Variants in UNC80 observed in about 807,000 individuals in gnomAD.
The protein encoded by UNC80 is unc-80 subunit of NALCN channel complex.
Under a neutral mutation model 384.6 loss-of-function variants are expected in UNC80, and 164 were observed. The observed-to-expected ratio is 0.43, with a 90% CI of 0.38 to 0.49. UNC80 has a LOEUF of 0.49. Ranked by LOEUF, UNC80 falls within the 20% of genes least tolerant of loss-of-function variation. The probability of loss-of-function intolerance (pLI) is 0.00; values close to 1 mark genes in which losing one functional copy is unlikely to be tolerated. For missense variants in UNC80, 3,330 were observed against 4,143.0 expected (o/e 0.80, Z 5.39); for synonymous variants, 1,486 against 1,527.8 (o/e 0.97, Z 0.64).
chr2:209,945,173 G>A lies in UNC80; in HGVS notation c.7173G>A (p.Lys2391=), dbSNP rs752008400. The change falls in exon 46 of 65, where the codon AAG becomes AAA. Residue 2391 remains lysine (K), a synonymous_variant. Coordinates refer to ENST00000673920, the MANE Select transcript of UNC80 (RefSeq NM_001371986.1). ...LDILELVKAE[K]PLKSLDFCYG... is the part of the protein sequence containing the mutation. ...TCTTAGAGCTGGTCAAAGCTGAGAA[G>A]CCTCTCAAGTCATTAGGTAAAAGCA... The A allele has an allele frequency of 3.9e-6, 6 of 1,549,566 alleles. No homozygotes were observed. Among genetic ancestry groups the A allele is most frequent in the African/African-American group, 2.7e-5 (2 of 72,900 alleles).
intron 63 of UNC80, among the ~76,000 whole-genome samples, chr2:209,993,645 G>A (rs2093432992): frequency 6.6e-6 from 1 of 152,160 alleles, no homozygotes; most frequent in Non-Finnish European, 1.5e-5. Context: ...AAATGGAAGA[G>A]CCCAAGGTAA....
chr2:209,795,038 AG>A, intron 7 of UNC80: 1 of 222,932 alleles, frequency 4.5e-6, no homozygotes, highest in Non-Finnish European at 9.1e-6. Context: ...AGAAGAAGAC[AG>A]GGAAGTGTGG....
At chr2:209,957,096 T>C (rs1297946914) in intron 48 of UNC80, among the ~76,000 whole-genome samples, 1 of 152,250 alleles carries the variant, frequency 6.6e-6, no homozygotes, top group Non-Finnish European at 1.5e-5. Context: ...TCAAATCTAT[T>C]ACTAACGATC....
chr2:209,820,612 G>A lies in UNC80; in HGVS notation c.2264G>A (p.Gly755Asp). 2 of 1,549,488 alleles carry A rather than the reference G, an allele frequency of 1.3e-6. No individual in the cohort carries two copies. The highest frequency in any genetic ancestry group is 1.7e-6 in the Non-Finnish European group (2 of 1,145,680). Residue 755 changes from glycine to aspartate, a missense_variant, in exon 13 of 65, where the codon GGT (glycine) becomes GAT (aspartate). By Grantham distance (94) the Gly-to-Asp change is moderately conservative. Around this residue, in one of 8 missense-constraint regions of UNC80, gnomAD observed 937 missense variants for 1,026.8 expected, o/e 0.91. Transcript: ENST00000673920. ...GGGGDGGGGG[G>D]DGGGGGGGGG... is the part of the protein sequence containing the mutation. ...GGTGGAGATGGAGGAGGTGGAGGAG[G>A]TGATGGAGGAGGAGGTGGAGGAGGT...
At chr2:209,805,219 C>T (rs962050429) in intron 7 of UNC80, among the ~76,000 whole-genome samples, 2 of 152,170 alleles carry the variant, frequency 1.3e-5, no homozygotes, top group Non-Finnish European at 2.9e-5. Flanking sequence ...TATTTTTTAA[C>T]TTTCCACATC....
chr2:209,885,511 C>G (rs546301477), intron 25 of UNC80, among the ~76,000 whole-genome samples: 1 of 152,186 alleles, frequency 6.6e-6, no homozygotes, highest in South Asian at 2.1e-4. Context: ...CTTATCCCAA[C>G]TAAGAAATTT....
chr2:209,773,643 T>C (rs115294619), intron 2 of UNC80, among the ~76,000 whole-genome samples: 1 of 152,132 alleles, frequency 6.6e-6, no homozygotes, highest in African/African-American at 2.4e-5. Context: ...GGCAGAGAGA[T>C]AACAGGGAAC....
chr2:209,811,486 G>A (rs932279521), intron 7 of UNC80, among the ~76,000 whole-genome samples: 2 of 152,158 alleles, frequency 1.3e-5, no homozygotes, highest in Non-Finnish European at 2.9e-5. Context: ...CTAGAACTAG[G>A]GTGGTGTCTG....
At chr2:209,949,964 A>T (rs1034113421) in intron 47 of UNC80, among the ~76,000 whole-genome samples, 1 of 152,036 alleles carries the variant, frequency 6.6e-6, no homozygotes, top group African/African-American at 2.4e-5. Flanking sequence ...AGTAGCCGGC[A>T]CTACAGGCGG....
intron 22 of UNC80, among the ~76,000 whole-genome samples, chr2:209,853,059 A>C (rs1054875827): frequency 7.2e-5 from 11 of 152,120 alleles, no homozygotes; most frequent in Admixed American, 5.9e-4. Context: ...ATATACAGAG[A>C]TAGATATACA....
chr2:209,899,447 A>T (rs887643306), intron 28 of UNC80, among the ~76,000 whole-genome samples: 2 of 152,108 alleles, frequency 1.3e-5, no homozygotes, highest in Non-Finnish European at 2.9e-5. Flanking sequence ...TTTCTGCTCA[A>T]TTGTAATGTG....
intron 2 of UNC80, among the ~76,000 whole-genome samples, chr2:209,773,835 T>C (rs2076719206): frequency 1.3e-5 from 2 of 152,214 alleles, no homozygotes; most frequent in African/African-American, 4.8e-5. Context: ...AAATGAATAA[T>C]ATAAAATAAT....
intron 7 of UNC80, among the ~76,000 whole-genome samples, chr2:209,800,050 G>C (rs188786491): frequency 4.0e-4 from 61 of 152,244 alleles, no homozygotes; most frequent in East Asian, 3.1e-3. Context: ...GTCTCTTCCT[G>C]GTGTTGGTAT....
chr2:209,993,048 C>T (rs1050747342), intron 62 of UNC80, among the ~76,000 whole-genome samples: 6 of 152,254 alleles, frequency 3.9e-5, no homozygotes, highest in Non-Finnish European at 1.5e-5. Context: ...CACTTTGCAT[C>T]CTAAAATTAC....
At chr2:209,787,954 T>C (rs2077547526) in intron 5 of UNC80, among the ~76,000 whole-genome samples, 1 of 152,194 alleles carries the variant, frequency 6.6e-6, no homozygotes, top group African/African-American at 2.4e-5. Flanking sequence ...TGTGTGTTAT[T>C]GCCCCTGAAG....
At chr2:209,881,132 G>T (rs1219134321) in intron 25 of UNC80, 38 bp downstream of exon 25, 2 of 1,549,382 alleles carry the variant, frequency 1.3e-6, no homozygotes, top group Admixed American at 3.9e-5. Context: ...CAGGTTACTC[G>T]GAGAGGCCAG....
At chr2:209,773,434 A>G (rs1359761724) in intron 2 of UNC80, among the ~76,000 whole-genome samples, 1 of 152,238 alleles carries the variant, frequency 6.6e-6, no homozygotes, top group Non-Finnish European at 1.5e-5. Context: ...AAGAAATACT[A>G]GGAAGCACTA....
intron 26 of UNC80, among the ~76,000 whole-genome samples, chr2:209,891,341 AT>A (rs1031425209): frequency 9.2e-5 from 14 of 152,082 alleles, no homozygotes; most frequent in South Asian, 2.1e-4. Context: ...TCAAATGAAT[AT>A]TTTTTTCAAA....
intron 23 of UNC80, among the ~76,000 whole-genome samples, chr2:209,873,894 A>G (rs576274484): frequency 2.0e-5 from 3 of 152,260 alleles, no homozygotes; most frequent in East Asian, 1.9e-4. Flanking sequence ...GTCTTTCTGT[A>G]TCAGTCTTTC....
Sources: allele counts gnomAD v4.1 joint callset (sites outside exome capture counted in the v4.1 genomes callset), GRCh38; gene constraint gnomAD v4.1.1; regional missense constraint gnomAD v4.1.1; transcripts MANE v1.5; gene names NCBI Gene and HGNC (gene_info 2026-07-23, HGNC 2026-07-21).